WDR43: variants seen among roughly 807,000 people sequenced by gnomAD.
WDR43 encodes WD repeat domain 43, also known as WD repeat-containing protein 43.
A neutral mutation model predicts 91.4 loss-of-function variants in WDR43; 13 were observed. The observed-to-expected ratio is 0.14, with a 90% CI of 0.09 to 0.23. The LOEUF is 0.23. Ranked by LOEUF, WDR43 falls within the 10% of genes least tolerant of loss-of-function variation. The pLI is 1.00. For synonymous variants in WDR43, 331 were observed against 287.9 expected, an observed-to-expected ratio of 1.15 and a Z score of -1.51; for missense variants, 780 against 809.4, an observed-to-expected ratio of 0.96 and a Z score of 0.44.
intron 5 of WDR43, among the ~76,000 whole-genome samples, chr2:28,915,395 G>T (rs1428490620): frequency 6.6e-6 from 1 of 152,020 alleles, no homozygotes; most frequent in Non-Finnish European, 1.5e-5. Flanking sequence ...CTACTACCAG[G>T]GTCCCCTGGC....
intron 15 of WDR43, 95 bp downstream of exon 15, chr2:28,941,669 C>G (rs10182938): frequency 2.1e-6 from 2 of 959,252 alleles, no homozygotes; most frequent in Non-Finnish European, 3.2e-6. Context: ...CTTGCTCTGT[C>G]GCTCAGGCTG....
chr2:28,941,984 TTG>T (rs1427934748), intron 15 of WDR43, among the ~76,000 whole-genome samples: 3 of 152,216 alleles, frequency 2.0e-5, no homozygotes, highest in Non-Finnish European at 4.4e-5. Context: ...GAAAGTTTAG[TTG>T]TGTCTGTTTC....
Position 28,946,869 on chromosome 2 carries a change from C to G in WDR43, c.*90C>G, listed in dbSNP as rs375689426. 2 of 1,408,584 alleles carry G rather than the reference C, an allele frequency of 1.4e-6. No homozygotes were observed. Among genetic ancestry groups the G allele is most frequent in the African/African-American group, 2.9e-5 (2 of 69,114 alleles). 87.3% of individuals were successfully genotyped at this position (1,408,584 alleles called of 1,614,324 possible). ...GCCTCTGTGCCAGGATGCCAAGGACCGCTGCACATTTCCAAATTCACAGCA... is the reference window on the plus strand; with the variant it reads ...GCCTCTGTGCCAGGATGCCAAGGACGGCTGCACATTTCCAAATTCACAGCA... On this transcript the variant is annotated 3_prime_UTR_variant, in exon 18 of 18. Coordinates refer to ENST00000407426, the MANE Select transcript of WDR43 (RefSeq NM_015131.3).
In WDR43 at chr2:28,946,675, G is replaced by A. The variant is rs759689788; in HGVS notation, c.1930G>A (p.Glu644Lys). 32 of 1,565,828 alleles carry A rather than the reference G, an allele frequency of 2.0e-5. No homozygotes were observed. Among genetic ancestry groups the A allele is most frequent in the Non-Finnish European group, 2.8e-5 (32 of 1,154,700 alleles). ...CGTTGAAGAGGAAGATGAGGATGCC[G>A]AAGGAAAAGATGAAGAAAATGGCGA... ...EDVEEEDEDAEGKDEENGEDR... is the reference protein window; with the variant it reads ...EDVEEEDEDAKGKDEENGEDR... The change falls in exon 18 of 18, where the codon GAA (glutamate) becomes AAA (lysine). Residue 644 changes from glutamate to lysine, a missense_variant. Glu to Lys is a moderately conservative substitution (Grantham distance 56). This residue lies in a region of WDR43 where 426 missense variants were observed against 467.8 expected (regional missense o/e 0.91). Coordinates refer to ENST00000407426, the MANE Select transcript of WDR43 (RefSeq NM_015131.3).
intron 1 of WDR43, among the ~76,000 whole-genome samples, chr2:28,896,393 G>A (rs1205561799): frequency 6.6e-6 from 1 of 152,180 alleles, no homozygotes; most frequent in Non-Finnish European, 1.5e-5. Context: ...ATAATGCAGA[G>A]AACACTTAGA....
chr2:28,924,108 A>G (rs1671085802), intron 7 of WDR43, among the ~76,000 whole-genome samples: 1 of 152,210 alleles, frequency 6.6e-6, no homozygotes, highest in Non-Finnish European at 1.5e-5. Context: ...ATAAGTGGTA[A>G]TAAGATGCGT....
intron 9 of WDR43, 65 bp downstream of exon 9, chr2:28,926,619 A>G (rs1352851396): frequency 1.5e-6 from 2 of 1,350,390 alleles, no homozygotes; most frequent in African/African-American, 2.9e-5. Flanking sequence ...TGGAACTGTT[A>G]CTTAGTATTA....
intron 8 of WDR43, 31 bp from the exon 9 acceptor site, chr2:28,926,430 TCCTCTCA>T (rs1553328407): frequency 2.8e-6 from 4 of 1,428,746 alleles, no homozygotes; most frequent in Non-Finnish European, 2.8e-6. Context: ...TTTTTTTCTT[TCCTCTCA>T]TCTTCCCCTT....
rs779420743 is a variant in WDR43 at position 28,894,716 on chromosome 2, C to T, written c.18C>T (p.Gly6=). The T allele has an allele frequency of 2.6e-6, 4 of 1,562,026 alleles. No individual in the cohort carries two copies. Among genetic ancestry groups the T allele is most frequent in the African/African-American group, 2.7e-5 (2 of 73,238 alleles). Residue 6 remains glycine (G), a synonymous_variant, in exon 1 of 18, where the codon GGC becomes GGT. Transcript: ENST00000407426. MAAGG[G]GSCDPLAPAG... is the part of the protein sequence containing the mutation. ...GAGCAGCAATGGCGGCGGGCGGCGG[C>T]GGTAGCTGCGACCCCCTGGCCCCTG...
At chr2:28,941,048 A>G (rs534344067) in intron 14 of WDR43, among the ~76,000 whole-genome samples, 7 of 152,322 alleles carry the variant, frequency 4.6e-5, no homozygotes, top group South Asian at 2.1e-4. Flanking sequence ...GGGGCCTTAC[A>G]GTAAGGGTAG....
intron 5 of WDR43, among the ~76,000 whole-genome samples, chr2:28,916,603 CT>C (rs891685490): frequency 2.6e-5 from 4 of 152,016 alleles, no homozygotes; most frequent in Non-Finnish European, 4.4e-5. Context: ...ACCTCTCCCC[CT>C]ATAACCCCGA....
At chr2:28,913,565 A>T (rs1242849951) in intron 4 of WDR43, 1 of 439,046 alleles carries the variant, frequency 2.3e-6, no homozygotes, top group Non-Finnish European at 4.5e-6. Flanking sequence ...TCTAGCCTAC[A>T]TCCAGCATTT....
chr2:28,906,401 CATTTGAGCCCAGGA>C (rs1670679506), intron 2 of WDR43, 45 bp from the exon 3 acceptor site: 13 of 1,474,308 alleles, frequency 8.8e-6, no homozygotes, highest in Admixed American at 4.6e-5. Flanking sequence ...GAAGGAGGAT[CATTTGAGCCCAGGA>C]GTTTGAGACC....
chr2:28,942,634 TAA>T (rs1671462552), intron 16 of WDR43, among the ~76,000 whole-genome samples: 1 of 145,092 alleles, frequency 6.9e-6, no homozygotes, highest in Admixed American at 6.9e-5. Context: ...TTTTTTTTTT[TAA>T]GACAGTCTCA....
In WDR43 at chr2:28,946,671, T is replaced by C; in HGVS notation, c.1926T>C (p.Asp642=). 6.4e-7 allele frequency: 1 copy of C among 1,562,908 alleles called. No homozygotes were observed. The highest frequency in any genetic ancestry group is 8.7e-7 in the Non-Finnish European group (1 of 1,152,812). Residue 642 remains aspartate, a synonymous_variant, in exon 18 of 18, where the codon GAT becomes GAC. Transcript: ENST00000407426. ...AGGACGTTGAAGAGGAAGATGAGGA[T>C]GCCGAAGGAAAAGATGAAGAAAATG... is the stretch of plus-strand genomic sequence containing the variant. The part of the protein sequence containing the change: ...KDEDVEEEDE[D]AEGKDEENGE...
At position 28,894,720 on chromosome 2, in the gene WDR43, A is replaced by G. The variant is rs1205136591; in HGVS notation, c.22A>G (p.Ser8Gly). 4 of 1,566,378 alleles carry G rather than the reference A, an allele frequency of 2.6e-6. No individual in the cohort carries two copies. The highest frequency in any genetic ancestry group is 1.9e-5 in the Admixed American group (1 of 52,350). The change falls in exon 1 of 18, where the codon AGC becomes GGC. Residue 8 changes from serine to glycine, a missense_variant. Physicochemically the swap from Ser to Gly is moderately conservative, Grantham distance 56 (BLOSUM62 0). Around this residue, in one of 4 missense-constraint regions of WDR43, gnomAD observed 175 missense variants for 113.8 expected, o/e 1.54. Coordinates refer to ENST00000407426, the MANE Select transcript of WDR43 (RefSeq NM_015131.3). ...AGCAATGGCGGCGGGCGGCGGCGGTAGCTGCGACCCCCTGGCCCCTGCTGG... is the reference window on the plus strand; with the variant it reads ...AGCAATGGCGGCGGGCGGCGGCGGTGGCTGCGACCCCCTGGCCCCTGCTGG... MAAGGGG[S>G]CDPLAPAGVP...
intron 5 of WDR43, among the ~76,000 whole-genome samples, chr2:28,915,793 T>G (rs532801635): frequency 6.2e-5 from 6 of 96,738 alleles, no homozygotes; most frequent in Non-Finnish European, 9.3e-5. Flanking sequence ...TTCTATTGAT[T>G]GGTTAAGATA....
At position 28,906,490 on chromosome 2, in the gene WDR43, A is replaced by G; in HGVS notation, c.394A>G (p.Ile132Val). Residue 132 changes from isoleucine to valine, a missense_variant, in exon 3 of 18, where the codon ATA becomes GTA. Coordinates refer to ENST00000407426, the MANE Select transcript of WDR43 (RefSeq NM_015131.3). ...SGGHDNRVNC[I>V]QWHQDSGCLY... ...TGGACATGACAACAGAGTCAACTGC[A>G]TACAGTGGCATCAAGACAGTGGCTG... 4.4e-6 allele frequency: 7 copies of G among 1,582,812 alleles called. No homozygotes were observed. Among genetic ancestry groups the G allele is most frequent in the Non-Finnish European group, 5.2e-6 (6 of 1,164,494 alleles).
chr2:28,894,814 G>A lies in WDR43; in HGVS notation c.116G>A (p.Arg39Gln). The A allele has an allele frequency of 6.2e-7, 1 of 1,611,154 alleles. No individual in the cohort carries two copies. Among genetic ancestry groups the A allele is most frequent in the Admixed American group, 1.7e-5 (1 of 59,700 alleles). Residue 39 changes from arginine (R) to glutamine (Q), a missense_variant, in exon 1 of 18, where the codon CGA (arginine) becomes CAA (glutamine). Around this residue, in one of 4 missense-constraint regions of WDR43, gnomAD observed 175 missense variants for 113.8 expected, o/e 1.54. Coordinates refer to ENST00000407426, the MANE Select transcript of WDR43 (RefSeq NM_015131.3). Reference sequence around the variant, plus strand: ...TTGGCCTCTACCGACGGTCACTTACGAGTATGGGAGACGGCCAACAACCGG... The same window carrying A: ...TTGGCCTCTACCGACGGTCACTTACAAGTATGGGAGACGGCCAACAACCGG... ...FALASTDGHLRVWETANNRLH... is the reference protein window; with the variant it reads ...FALASTDGHLQVWETANNRLH...
Sources: gnomAD v4.1 joint callset for allele counts (sites outside exome capture counted in the v4.1 genomes callset) on GRCh38, gnomAD v4.1.1 for gene constraint, gnomAD v4.1.1 regional missense constraint, MANE v1.5 for transcripts, NCBI Gene and HGNC (gene_info 2026-07-23, HGNC 2026-07-21) for gene names.